The following TSPEAR variants were observed in gnomAD, a reference collection of about 807,000 sequenced individuals.
TSPEAR encodes the protein thrombospondin-type laminin G domain and EAR repeat-containing protein.
A neutral mutation model predicts 71.6 loss-of-function variants in TSPEAR; 69 were observed. The ratio of observed to expected loss-of-function variants is 0.96; its 90% CI spans 0.79 to 1.18. The LOEUF (loss-of-function observed/expected upper bound fraction) is 1.18, where lower values mean the gene tolerates loss of function less well. Among genes scored for constraint, TSPEAR ranks in the 50% most tolerant of loss-of-function variants. TSPEAR has a pLI of 0.00. For missense variants in TSPEAR, 971 were observed against 894.9 expected (o/e 1.09, Z -1.09); for synonymous variants, 402 against 387.2 (o/e 1.04, Z -0.45).
intron 1 of TSPEAR, among the ~76,000 whole-genome samples, chr21:44,602,986 T>C (rs1211123): frequency 0.88 from 133,459 of 152,050 alleles, 59,073 homozygotes; most frequent in Non-Finnish European, 0.94. Context: ...TCCCAAGCAA[T>C]GACAATGCTG....
chr21:44,525,591 T>A, intron 8 of TSPEAR, 62 bp downstream of exon 8: 3 of 1,541,630 alleles, frequency 1.9e-6, no homozygotes, highest in Non-Finnish European at 1.8e-6. Flanking sequence ...TCGCCCTGCC[T>A]GCAAGTCTCG....
intron 1 of TSPEAR, among the ~76,000 whole-genome samples, chr21:44,625,227 T>C (rs1555934091): frequency 1.3e-5 from 2 of 152,202 alleles, no homozygotes; most frequent in African/African-American, 4.8e-5. Context: ...CACATGAAGC[T>C]TACCTTTGAA....
intron 2 of TSPEAR, among the ~76,000 whole-genome samples, chr21:44,562,105 C>T (rs1460862543): frequency 1.3e-5 from 2 of 152,098 alleles, no homozygotes; most frequent in African/African-American, 2.4e-5. Context: ...TCAAAAATTC[C>T]TTAAGCTGAT....
In TSPEAR at chr21:44,612,587, C is replaced by A. The variant is rs149088323; in HGVS notation, c.83-44582G>T. The A allele has an allele frequency of 6.2e-7, 1 of 1,614,090 alleles. No homozygotes were observed. Among genetic ancestry groups the A allele is most frequent in the Non-Finnish European group, 8.5e-7 (1 of 1,180,044 alleles). On this transcript the variant is annotated intron_variant, in intron 1 of 11. Transcript: ENST00000323084. This position sits in a 1 kb window ranked among gnomAD's most constrained non-coding sequence, Gnocchi z 4.1. ...TTGCTGCACCTTCTCCCCATGCCAA[C>A]AGGCCTGCTGTGTGCCCATCTGCTG...
At chr21:44,676,400 T>G (rs1555946891) in intron 1 of TSPEAR, 10 of 1,140,368 alleles carry the variant, frequency 8.8e-6, no homozygotes, top group Middle Eastern at 2.6e-4. Context: ...GATGAGGTCT[T>G]CATGCTGTAC....
At chr21:44,626,038 T>C (rs782316036) in intron 1 of TSPEAR, among the ~76,000 whole-genome samples, 1 of 152,210 alleles carries the variant, frequency 6.6e-6, no homozygotes, top group East Asian at 1.9e-4. Context: ...TGACCCAGAA[T>C]GTTAGCATTA....
chr21:44,674,734 G>A (rs587594232), intron 1 of TSPEAR, among the ~76,000 whole-genome samples: 31 of 7,704 alleles, frequency 4.0e-3, no homozygotes, highest in Middle Eastern at 0.038. Flanking sequence ...TCTTTAAAGT[G>A]TGTGTGTGTG....
chr21:44,671,790 G>GA (rs1296513782), intron 1 of TSPEAR, among the ~76,000 whole-genome samples: 17 of 152,050 alleles, frequency 1.1e-4, no homozygotes, highest in African/African-American at 4.1e-4. Flanking sequence ...CAAGAAACAT[G>GA]AAAAAACAAG....
intron 1 of TSPEAR, among the ~76,000 whole-genome samples, chr21:44,680,281 AT>A (rs1222121039): frequency 1.3e-5 from 2 of 152,340 alleles, no homozygotes; most frequent in East Asian, 3.9e-4. Flanking sequence ...CAACAGGTAT[AT>A]TAAAAAAAAC....
chr21:44,665,332 T>C (rs1204333495), intron 1 of TSPEAR, among the ~76,000 whole-genome samples: 1 of 152,208 alleles, frequency 6.6e-6, no homozygotes, highest in Non-Finnish European at 1.5e-5. Context: ...CTATCTGGAA[T>C]AGCAGACTCC....
chr21:44,503,873 G>A (rs2052115411), intron 11 of TSPEAR, among the ~76,000 whole-genome samples: 2 of 139,178 alleles, frequency 1.4e-5, no homozygotes, highest in Non-Finnish European at 1.5e-5. Flanking sequence ...AGCCGGCCTT[G>A]GTGAGCCCAC....
Position 44,677,202 on chromosome 21 carries a change from A to T in TSPEAR, c.82+34231T>A, listed in dbSNP as rs1321934196. 9 of 712,420 alleles carry T rather than the reference A, an allele frequency of 1.3e-5. No individual in the cohort carries two copies. The African/African-American group carries it at 1.4e-4, about 11-fold the overall frequency. The allele number at this position is 712,420 out of a possible 1,614,324, so 44.1% of individuals were successfully genotyped here. On this transcript the variant is annotated intron_variant, in intron 1 of 11. Coordinates refer to ENST00000323084, the MANE Select transcript of TSPEAR (RefSeq NM_144991.3). ...CTCTTCTTTCTTTGCATTTTCAGTC[A>T]CACTTTTCATCTTCTCTACCTCTTC...
intron 10 of TSPEAR, among the ~76,000 whole-genome samples, chr21:44,505,806 C>T (rs1378035068): frequency 6.6e-6 from 1 of 152,024 alleles, no homozygotes; most frequent in Non-Finnish European, 1.5e-5. Context: ...TTTGTCCATC[C>T]GCTGACAGAC....
intron 2 of TSPEAR, chr21:44,539,237 A>G: frequency 6.4e-7 from 1 of 1,572,594 alleles, no homozygotes; most frequent in Non-Finnish European, 8.6e-7. Context: ...CAGGTCAGGA[A>G]CTGAGCCCAG....
In TSPEAR at chr21:44,612,429, C is replaced by T. The variant is rs782729562; in HGVS notation, c.83-44424G>A. The T allele has an allele frequency of 6.8e-5, 110 of 1,613,920 alleles. No individual in the cohort carries two copies. The highest frequency in any genetic ancestry group is 8.4e-5 in the Non-Finnish European group (99 of 1,180,006). The stretch of plus-strand genomic sequence containing the variant: ...TCTAGCTGCCAGCCGGCTTGCTGCA[C>T]CTCCTCCCCCTGCCAACAGGCCTGC... On this transcript the variant is annotated intron_variant, in intron 1 of 11. Coordinates refer to ENST00000323084, the MANE Select transcript of TSPEAR (RefSeq NM_144991.3). The surrounding 1 kb of genome is among the most constrained non-coding windows in gnomAD (Gnocchi z 4.1).
intron 1 of TSPEAR, among the ~76,000 whole-genome samples, chr21:44,655,047 A>G (rs1159643878): frequency 6.6e-6 from 1 of 152,150 alleles, no homozygotes; most frequent in Non-Finnish European, 1.5e-5. Flanking sequence ...AAGTAACGAG[A>G]GCCAAACTAC....
At chr21:44,531,474 A>G (rs587650619) in intron 3 of TSPEAR, among the ~76,000 whole-genome samples, 2 of 152,296 alleles carry the variant, frequency 1.3e-5, no homozygotes, top group South Asian at 4.1e-4. Context: ...ACACTGGAGC[A>G]GGGCCCGCCT....
intron 1 of TSPEAR, chr21:44,611,997 C>G: frequency 8.3e-7 from 1 of 1,206,242 alleles, no homozygotes; most frequent in South Asian, 1.4e-5. Flanking sequence ...TTGTGAGACT[C>G]CTGTGAGGAA....
chr21:44,701,295 G>A (rs889099148), intron 1 of TSPEAR, among the ~76,000 whole-genome samples: 2 of 152,132 alleles, frequency 1.3e-5, no homozygotes, highest in South Asian at 2.1e-4. Flanking sequence ...GACGTGAAAC[G>A]ATATATTCTT....
Sources: allele counts gnomAD v4.1 joint callset (sites outside exome capture counted in the v4.1 genomes callset), GRCh38; gene constraint gnomAD v4.1.1; non-coding constraint Gnocchi (gnomAD v3.1); transcripts MANE v1.5; gene names NCBI Gene and HGNC (gene_info 2026-07-23, HGNC 2026-07-21).